The following NBEA variants were observed in gnomAD, a reference collection of about 807,000 sequenced individuals.
The protein encoded by NBEA is lysosomal-trafficking regulator 2.
Under a neutral mutation model 343.4 loss-of-function variants are expected in NBEA, and 44 were observed. That is an observed-to-expected ratio of 0.13 (90% confidence interval 0.10 to 0.16). The LOEUF is 0.16. Among genes scored for constraint, NBEA ranks in the 10% least tolerant of loss-of-function variants. NBEA has a pLI of 1.00. For synonymous variants in NBEA, 1,175 were observed against 1,238.7 expected (o/e 0.95, Z 1.08); for missense variants, 2,555 against 3,631.3 (o/e 0.70, Z 7.62).
chr13:35,408,962 A>G (rs117977887), intron 38 of NBEA, among the ~76,000 whole-genome samples: 5,314 of 152,322 alleles, frequency 0.035, 136 homozygotes, highest in Non-Finnish European at 0.053. Flanking sequence ...CTGAAGACAG[A>G]AATACCATTA....
chr13:34,943,032 G>A lies in NBEA; in HGVS notation c.212G>A (p.Arg71Gln). The change falls in exon 1 of 59, where the codon CGG becomes CAG. Residue 71 changes from arginine to glutamine, a missense_variant. Transcript: ENST00000379939. ...CCTTCGGTGCCGATCCGCAACATCC[G>A]GATGAAATTCGCAGTGTTGATTGGA... ...INPSVPIRNI[R>Q]MKFAVLIGLI... 6.2e-7 allele frequency: 1 copy of A among 1,613,062 alleles called. No homozygotes were observed. Among genetic ancestry groups the A allele is most frequent in the South Asian group, 1.1e-5 (1 of 91,086 alleles).
chr13:35,038,774 T>C (rs1373848651), intron 1 of NBEA, among the ~76,000 whole-genome samples: 4 of 152,058 alleles, frequency 2.6e-5, no homozygotes, highest in Non-Finnish European at 4.4e-5. Flanking sequence ...CCTCTCCTCT[T>C]CTCAAGTAGA....
At chr13:35,108,982 T>C (rs1453276043) in intron 11 of NBEA, among the ~76,000 whole-genome samples, 8 of 152,150 alleles carry the variant, frequency 5.3e-5, no homozygotes, top group Non-Finnish European at 1.0e-4. Flanking sequence ...TGTCAATTTC[T>C]ACAAAAAATG....
intron 48 of NBEA, among the ~76,000 whole-genome samples, chr13:35,609,120 A>AATATG (rs1422275644): frequency 2.0e-5 from 3 of 152,246 alleles, no homozygotes; most frequent in Admixed American, 2.0e-4. Context: ...ACTAAGCTTA[A>AATATG]ATATGCATTA....
At chr13:35,578,774 C>G (rs1238787964) in intron 45 of NBEA, among the ~76,000 whole-genome samples, 3 of 152,098 alleles carry the variant, frequency 2.0e-5, no homozygotes, top group African/African-American at 7.2e-5. Context: ...ATCCATAATG[C>G]TTGGGACCAG....
At chr13:35,544,957 G>C (rs2079000087) in intron 41 of NBEA, among the ~76,000 whole-genome samples, 1 of 152,192 alleles carries the variant, frequency 6.6e-6, no homozygotes, top group Admixed American at 6.5e-5. Flanking sequence ...GCACAAGCTA[G>C]ATGATATGGG....
At chr13:35,630,517 T>C (rs929612755) in intron 49 of NBEA, among the ~76,000 whole-genome samples, 7 of 152,230 alleles carry the variant, frequency 4.6e-5, no homozygotes, top group Admixed American at 2.0e-4. Flanking sequence ...ATGCAGACTC[T>C]CTGCTACTAG....
intron 43 of NBEA, 67 bp downstream of exon 43, chr13:35,551,099 T>G (rs1176829525): frequency 5.3e-5 from 49 of 925,640 alleles, no homozygotes; most frequent in Non-Finnish European, 7.6e-5. Context: ...ATTACAGCAA[T>G]GTAAATGTGG....
chr13:35,374,434 C>T (rs1445529894), intron 38 of NBEA, among the ~76,000 whole-genome samples: 1 of 152,034 alleles, frequency 6.6e-6, no homozygotes, highest in Admixed American at 6.6e-5. Context: ...GAAAATGTGA[C>T]CCAGAGACAT....
At chr13:35,280,808 T>C (rs1176857281) in intron 34 of NBEA, among the ~76,000 whole-genome samples, 2 of 152,070 alleles carry the variant, frequency 1.3e-5, no homozygotes, top group African/African-American at 2.4e-5. Context: ...GATGCCCTTT[T>C]TTAGATTTCC....
chr13:35,363,834 A>T (rs571520940), intron 38 of NBEA, among the ~76,000 whole-genome samples: 1 of 151,956 alleles, frequency 6.6e-6, no homozygotes, highest in African/African-American at 2.4e-5. Flanking sequence ...TAACTGTTCT[A>T]ATGAACAGAA....
Position 35,070,006 on chromosome 13 carries a change from A to G in NBEA, c.1338A>G (p.Thr446=). The change falls in exon 9 of 59, where the codon ACA becomes ACG. Residue 446 remains threonine (T), a synonymous_variant. Coordinates refer to ENST00000379939, the MANE Select transcript of NBEA (RefSeq NM_001385012.1). ...DGKLASSIAF[T]YNAKATDAQL... ...AACTTGCAAGTAGCATTGCCTTTACATATAATGCTAAGGCCACTGATGCTC... is the reference window on the plus strand; with the variant it reads ...AACTTGCAAGTAGCATTGCCTTTACGTATAATGCTAAGGCCACTGATGCTC... 1.9e-6 allele frequency: 3 copies of G among 1,607,534 alleles called. No individual in the cohort carries two copies. Among genetic ancestry groups the G allele is most frequent in the East Asian group, 2.2e-5 (1 of 44,672 alleles).
chr13:35,403,136 T>C (rs540319785), intron 38 of NBEA, among the ~76,000 whole-genome samples: 3 of 151,916 alleles, frequency 2.0e-5, no homozygotes, highest in Non-Finnish European at 4.4e-5. Context: ...TTTTATTGCA[T>C]GAAAAAACTG....
intron 38 of NBEA, among the ~76,000 whole-genome samples, chr13:35,374,540 CT>C (rs1468035468): frequency 2.6e-5 from 4 of 151,992 alleles, no homozygotes; most frequent in African/African-American, 9.7e-5. Flanking sequence ...TATAATAAAG[CT>C]AAGTGCAGTA....
At chr13:35,109,255 A>G in intron 11 of NBEA, 35 bp from the exon 12 acceptor site, 1 of 1,522,100 alleles carries the variant, frequency 6.6e-7, no homozygotes. Flanking sequence ...GATATTCTGG[A>G]TGTTTCAAGC....
In NBEA at chr13:35,161,807, T is replaced by A. The variant is rs770632134; in HGVS notation, c.3919T>A (p.Phe1307Ile). 1 of 1,612,474 alleles carries A rather than the reference T, an allele frequency of 6.2e-7. No homozygotes were observed. The highest frequency in any genetic ancestry group is 2.2e-5 in the East Asian group (1 of 44,736). Residue 1307 changes from phenylalanine to isoleucine, a missense_variant, in exon 23 of 59, where the codon TTT becomes ATT. By Grantham distance (21) the Phe-to-Ile change is conservative. Transcript: ENST00000379939. ...QDRDLRVDLGFRGMPMTEEQR... is the reference protein window; with the variant it reads ...QDRDLRVDLGIRGMPMTEEQR... ...CCGAGATCTCCGAGTTGATTTAGGA[T>A]TTCGAGGAATGCCAATGACTGAGGA...
chr13:35,532,186 T>A (rs1403268692), intron 41 of NBEA, among the ~76,000 whole-genome samples: 1 of 152,204 alleles, frequency 6.6e-6, no homozygotes, highest in African/African-American at 2.4e-5. Flanking sequence ...CTTCGATTTG[T>A]CATTGAATTT....
intron 17 of NBEA, among the ~76,000 whole-genome samples, chr13:35,135,666 A>G (rs999749995): frequency 2.0e-5 from 3 of 152,056 alleles, no homozygotes; most frequent in East Asian, 3.8e-4. Context: ...AATAAGAATA[A>G]TGAGTATTTA....
intron 31 of NBEA, among the ~76,000 whole-genome samples, chr13:35,201,743 T>C (rs2073036620): frequency 6.6e-6 from 1 of 152,056 alleles, no homozygotes; most frequent in Non-Finnish European, 1.5e-5. Context: ...GAAATGGGCT[T>C]ATTATTAGTC....
Sources: gnomAD v4.1 joint callset for allele counts (sites outside exome capture counted in the v4.1 genomes callset) on GRCh38, gnomAD v4.1.1 for gene constraint, MANE v1.5 for transcripts, NCBI Gene and HGNC (gene_info 2026-07-23, HGNC 2026-07-21) for gene names.